Variants in SNX18 observed in about 807,000 individuals in gnomAD.
The protein encoded by SNX18 is sorting nexin 18.
A neutral mutation model predicts 48.7 loss-of-function variants in SNX18; 35 were observed. The ratio of observed to expected loss-of-function variants is 0.72; its 90% CI spans 0.55 to 0.95. SNX18 has a LOEUF of 0.95. Among genes scored for constraint, SNX18 ranks in the 40% least tolerant of loss-of-function variants. SNX18 has a pLI of 0.00. For synonymous variants in SNX18, 492 were observed against 384.7 expected (o/e 1.28, Z -3.26); for missense variants, 824 against 871.0 (o/e 0.95, Z 0.68).
the SNX18 span, among the ~76,000 whole-genome samples, chr5:54,612,839 A>G: frequency 6.6e-6 from 1 of 152,162 alleles, no homozygotes; most frequent in Admixed American, 6.5e-5. Context: ...TTTCTCAGTC[A>G]GTGACACTCT....
chr5:54,584,867 C>T, the SNX18 span, among the ~76,000 whole-genome samples: 3 of 152,200 alleles, frequency 2.0e-5, no homozygotes, highest in Non-Finnish European at 4.4e-5. Context: ...TGTGGAAATG[C>T]CTCAGTGTTA....
intron 1 of SNX18, among the ~76,000 whole-genome samples, chr5:54,528,548 T>A (rs370076169): frequency 2.0e-5 from 3 of 152,104 alleles, no homozygotes; most frequent in East Asian, 3.9e-4. Flanking sequence ...GAAAGCGCAC[T>A]CCTGATCTTG....
chr5:54,590,417 T>C, the SNX18 span, among the ~76,000 whole-genome samples: 4 of 152,184 alleles, frequency 2.6e-5, no homozygotes, highest in African/African-American at 9.7e-5. Context: ...CATTCTTTGT[T>C]AAAGCCTAAG....
chr5:54,623,141 G>A, the SNX18 span, among the ~76,000 whole-genome samples: 1 of 152,178 alleles, frequency 6.6e-6, no homozygotes, highest in African/African-American at 2.4e-5. Context: ...CGTGAGAACT[G>A]GAGGGTGTCT....
At chr5:54,638,965 G>T in the SNX18 span, among the ~76,000 whole-genome samples, 9 of 152,052 alleles carry the variant, frequency 5.9e-5, no homozygotes, top group African/African-American at 2.2e-4. Context: ...TCAGACATAA[G>T]GTCTCTTTTA....
chr5:54,579,340 T>A, the SNX18 span, among the ~76,000 whole-genome samples: 4 of 147,382 alleles, frequency 2.7e-5, no homozygotes, highest in African/African-American at 7.5e-5. Flanking sequence ...CAGACCCTGT[T>A]AAAAAAAAAA....
the SNX18 span, among the ~76,000 whole-genome samples, chr5:54,624,105 C>T: frequency 6.6e-6 from 1 of 152,198 alleles, no homozygotes; most frequent in Non-Finnish European, 1.5e-5. Context: ...TGACTGAATC[C>T]ATCAACGTCC....
At chr5:54,605,977 T>G in the SNX18 span, among the ~76,000 whole-genome samples, 8,047 of 152,290 alleles carry the variant, frequency 0.053, 291 homozygotes, top group Non-Finnish European at 0.082. Context: ...TTTTGACACT[T>G]TAAAAAAATG....
chr5:54,535,619 G>T (rs1056283875), intron 1 of SNX18, among the ~76,000 whole-genome samples: 8 of 152,150 alleles, frequency 5.3e-5, no homozygotes, highest in Admixed American at 5.2e-4. Context: ...GAATGAGGAT[G>T]CCCTGCTTGG....
the SNX18 span, among the ~76,000 whole-genome samples, chr5:54,579,352 A>AG: frequency 6.8e-6 from 1 of 146,086 alleles, no homozygotes. Context: ...AAAAAAAAAG[A>AG]AAAAAAAGTA....
the SNX18 span, among the ~76,000 whole-genome samples, chr5:54,590,710 G>A: frequency 2.6e-5 from 4 of 152,250 alleles, no homozygotes; most frequent in African/African-American, 9.6e-5. Context: ...TTGAAAAAAA[G>A]TATGATGACA....
rs1303313349 is a variant in SNX18 at position 54,518,059 on chromosome 5, A to G, written c.107A>G (p.Glu36Gly). 2.1e-5 allele frequency: 32 copies of G among 1,546,418 alleles called. No individual in the cohort carries two copies. Among genetic ancestry groups the G allele is most frequent in the Non-Finnish European group, 2.8e-5 (32 of 1,151,252 alleles). Residue 36 changes from glutamate to glycine, a missense_variant, in exon 1 of 2, where the codon GAG (glutamate) becomes GGG (glycine). Around this residue, in one of 3 missense-constraint regions of SNX18, gnomAD observed 377 missense variants for 350.6 expected, o/e 1.08. Coordinates refer to ENST00000381410, the MANE Select transcript of SNX18 (RefSeq NM_001102575.2). Reference protein sequence around the residue: ...VLSLCSEQDIEGWLEGVNSRG... With the variant: ...VLSLCSEQDIGGWLEGVNSRG... ...AGCCTGTGCAGCGAGCAGGACATCG[A>G]GGGCTGGCTCGAGGGGGTCAACAGC... is the stretch of plus-strand genomic sequence containing the variant.
Position 54,545,242 on chromosome 5 carries a change from AG to A in SNX18, c.*1811del, listed in dbSNP as rs1189123058. The A allele has an allele frequency of 1.3e-5, 2 of 152,340 alleles. No homozygotes were observed. The highest frequency in any genetic ancestry group is 2.1e-4 in the South Asian group (1 of 4,830). 9.4% of individuals were successfully genotyped at this position (152,340 alleles called of 1,614,324 possible). On this transcript the variant is annotated 3_prime_UTR_variant, in exon 2 of 2. Transcript: ENST00000381410. ...CTAAAACTTGTTGATTGCAAAATAC[AG>A]TTCTATAAACAAAACCCATATGTAT...
At chr5:54,615,616 A>G in the SNX18 span, among the ~76,000 whole-genome samples, 11 of 152,258 alleles carry the variant, frequency 7.2e-5, no homozygotes, top group Non-Finnish European at 1.6e-4. Flanking sequence ...AGATTTTTAA[A>G]TGCTTCTGAA....
the SNX18 span, among the ~76,000 whole-genome samples, chr5:54,627,443 C>T: frequency 1.3e-5 from 2 of 152,086 alleles, no homozygotes; most frequent in Admixed American, 6.5e-5. Flanking sequence ...TGTTTATTCA[C>T]GTATTTAATA....
chr5:54,578,778 T>C, the SNX18 span, among the ~76,000 whole-genome samples: 12 of 152,190 alleles, frequency 7.9e-5, no homozygotes, highest in African/African-American at 2.9e-4. Context: ...TAAATTTCCC[T>C]TCACTTCTGT....
chr5:54,590,120 A>T, the SNX18 span, among the ~76,000 whole-genome samples: 1 of 152,262 alleles, frequency 6.6e-6, no homozygotes, highest in Non-Finnish European at 1.5e-5. Context: ...AACTGTAGCC[A>T]CTTTCCTCTT....
chr5:54,577,018 C>T, the SNX18 span, among the ~76,000 whole-genome samples: 2 of 152,172 alleles, frequency 1.3e-5, no homozygotes, highest in Non-Finnish European at 2.9e-5. Flanking sequence ...CCAGGCTGGT[C>T]TCCAACTCCT....
At chr5:54,603,405 TA>T in the SNX18 span, among the ~76,000 whole-genome samples, 1 of 152,072 alleles carries the variant, frequency 6.6e-6, no homozygotes, top group African/African-American at 2.4e-5. Context: ...ATGCCTGGCC[TA>T]AAGAATTTTT....
Sources: allele counts gnomAD v4.1 joint callset (sites outside exome capture counted in the v4.1 genomes callset), GRCh38; gene constraint gnomAD v4.1.1; regional missense constraint gnomAD v4.1.1; transcripts MANE v1.5; gene names NCBI Gene and HGNC (gene_info 2026-07-23, HGNC 2026-07-21).